FGFR1OP2: variants seen among roughly 807,000 people sequenced by gnomAD.
FGFR1OP2 encodes the protein FGFR1 oncogene partner 2, also known as fibroblast growth factor receptor 1 oncogene partner 2.
In FGFR1OP2, 17 loss-of-function variants were observed where a neutral mutation model predicts 35.2. The ratio of observed to expected loss-of-function variants is 0.48; its 90% confidence interval spans 0.33 to 0.73. The LOEUF (loss-of-function observed/expected upper bound fraction) is 0.73. Ranked by LOEUF, FGFR1OP2 falls within the 30% of genes least tolerant of loss-of-function variation. FGFR1OP2 has a pLI of 0.02. For synonymous variants in FGFR1OP2, 105 were observed against 104.6 expected, an observed-to-expected ratio of 1.00 and a Z score of -0.03; for missense variants, 251 against 307.3, an observed-to-expected ratio of 0.82 and a Z score of 1.37.
At chr12:26,956,810 T>C (rs1260525870) in intron 3 of FGFR1OP2, 150 bp downstream of exon 3, 28 of 380,254 alleles carry the variant, frequency 7.4e-5, no homozygotes, top group Non-Finnish European at 1.2e-4. Context: ...AGCACTGCTG[T>C]TGTTAGCTAT....
intron 1 of FGFR1OP2, among the ~76,000 whole-genome samples, chr12:26,950,165 T>TATATTAGGC (rs1486342889): frequency 8.0e-5 from 12 of 150,434 alleles, no homozygotes; most frequent in Non-Finnish European, 1.5e-5. Context: ...TGATAGCAGT[T>TATATTAGGC]ATATTAGGCA....
rs567364655 is a variant in FGFR1OP2 at position 26,951,648 on chromosome 12, G to T, written c.-14-2497G>T. On this transcript the variant is annotated intron_variant, in intron 1 of 6. Coordinates refer to ENST00000229395, the MANE Select transcript of FGFR1OP2 (RefSeq NM_015633.3). ...GGTATACAATATAATAGACAGTGGG[G>T]TTTTGATGTCGTGTTGTTAATACTC... 3.9e-5 allele frequency among the ~76,000 whole-genome samples: 6 copies of T among 152,214 alleles called. No individual in the cohort carries two copies. In the South Asian group the frequency reaches 1.0e-3, roughly 26 times the overall value.
chr12:26,950,380 G>A (rs1184839), intron 1 of FGFR1OP2, among the ~76,000 whole-genome samples: 1 of 151,390 alleles, frequency 6.6e-6, no homozygotes, highest in African/African-American at 2.4e-5. Context: ...ATGCCACTAC[G>A]CCCGGCTAAT....
chr12:26,963,249 A>C, intron 5 of FGFR1OP2, 93 bp from the exon 6 acceptor site: 1 of 661,042 alleles, frequency 1.5e-6, no homozygotes, highest in Non-Finnish European at 2.6e-6. Flanking sequence ...AAGAATATTC[A>C]TGTTAAGTGG....
chr12:26,941,215 G>T (rs887218667), intron 1 of FGFR1OP2, among the ~76,000 whole-genome samples: 1 of 152,032 alleles, frequency 6.6e-6, no homozygotes, highest in Non-Finnish European at 1.5e-5. Context: ...AAAATAGGCC[G>T]AAAAGTTTAG....
At chr12:26,956,472 T>TATATATC (rs1939020703) in intron 2 of FGFR1OP2, 71 bp from the exon 3 acceptor site, 1 of 263,962 alleles carries the variant, frequency 3.8e-6, no homozygotes, top group African/African-American at 4.2e-5. Flanking sequence ...TATTTATATT[T>TATATATC]ATATATCATA....
intron 3 of FGFR1OP2, among the ~76,000 whole-genome samples, chr12:26,957,249 C>T (rs149162526): frequency 3.3e-5 from 5 of 152,222 alleles, no homozygotes; most frequent in Non-Finnish European, 7.4e-5. Flanking sequence ...CAGTTTCTTC[C>T]CATAGACATC....
intron 5 of FGFR1OP2, 108 bp from the exon 6 acceptor site, chr12:26,963,234 A>G: frequency 1.7e-6 from 1 of 582,928 alleles, no homozygotes; most frequent in Non-Finnish European, 3.0e-6. Context: ...ATTAAGTGAC[A>G]ATGTAAGAAT....
chr12:26,940,268 A>G (rs1279610787), intron 1 of FGFR1OP2, among the ~76,000 whole-genome samples: 2 of 152,214 alleles, frequency 1.3e-5, no homozygotes, highest in South Asian at 2.1e-4. Flanking sequence ...TTCAGCCACA[A>G]TTCTAAGGGA....
intron 2 of FGFR1OP2, among the ~76,000 whole-genome samples, chr12:26,954,770 T>C (rs1014809195): frequency 6.6e-6 from 1 of 152,218 alleles, no homozygotes; most frequent in African/African-American, 2.4e-5. Context: ...TTATTTTTCA[T>C]TCAGTGCTAC....
At chr12:26,945,793 AGAGGTTGCAGTGAGCC>A (rs1036696019) in intron 1 of FGFR1OP2, among the ~76,000 whole-genome samples, 3 of 151,660 alleles carry the variant, frequency 2.0e-5, no homozygotes, top group African/African-American at 7.3e-5. Context: ...CCCAGGAGGC[AGAGGTTGCAGTGAGCC>A]GAGAATGTGC....
chr12:26,953,302 A>ATTTCAAGGAGGGTAAGTGTAAG (rs1406129523), intron 1 of FGFR1OP2, among the ~76,000 whole-genome samples: 3 of 137,014 alleles, frequency 2.2e-5, no homozygotes, highest in African/African-American at 8.2e-5. Context: ...AAGATAAAAG[A>ATTTCAAGGAGGGTAAGTGTAAG]TTTCAAGGAG....
chr12:26,952,923 A>G (rs1938955956), intron 1 of FGFR1OP2, among the ~76,000 whole-genome samples: 1 of 152,146 alleles, frequency 6.6e-6, no homozygotes, highest in Non-Finnish European at 1.5e-5. Flanking sequence ...GAAACCCTGA[A>G]GAAAGGATGA....
chr12:26,954,312 G>T lies in FGFR1OP2; in HGVS notation c.135+19G>T. The T allele has an allele frequency of 6.4e-7, 1 of 1,569,220 alleles. No individual in the cohort carries two copies. The highest frequency in any genetic ancestry group is 8.6e-7 in the Non-Finnish European group (1 of 1,156,820). ...GAAACAGGTTTGATTTTTCTTTCTTGTTCATTCCATTTATCAAAAGCAGTC... is the reference window on the plus strand; with the variant it reads ...GAAACAGGTTTGATTTTTCTTTCTTTTTCATTCCATTTATCAAAAGCAGTC... On this transcript the variant is annotated intron_variant, in intron 2 of 6. Coordinates refer to ENST00000229395, the MANE Select transcript of FGFR1OP2 (RefSeq NM_015633.3).
chr12:26,963,276 A>G (rs1301173784), intron 5 of FGFR1OP2, 66 bp from the exon 6 acceptor site: 2 of 1,018,340 alleles, frequency 2.0e-6, no homozygotes, highest in Admixed American at 4.4e-5. Flanking sequence ...AGATTTTATA[A>G]AAAGGAGAGG....
At chr12:26,942,426 C>G (rs1262301686) in intron 1 of FGFR1OP2, among the ~76,000 whole-genome samples, 1 of 152,186 alleles carries the variant, frequency 6.6e-6, no homozygotes, top group African/African-American at 2.4e-5. Context: ...AGTTATTGCT[C>G]AGATTCAGAA....
intron 1 of FGFR1OP2, among the ~76,000 whole-genome samples, chr12:26,950,590 G>A (rs1256569559): frequency 6.6e-6 from 1 of 152,022 alleles, no homozygotes; most frequent in Non-Finnish European, 1.5e-5. Context: ...TCAGAGAAGT[G>A]GATTATTCTA....
intron 2 of FGFR1OP2, 80 bp downstream of exon 2, chr12:26,954,373 A>G (rs1235987512): frequency 2.8e-6 from 4 of 1,452,642 alleles, no homozygotes; most frequent in Non-Finnish European, 3.7e-6. Context: ...ATTAGTATCT[A>G]ATTTTTTTCA....
intron 1 of FGFR1OP2, among the ~76,000 whole-genome samples, chr12:26,943,078 AT>A (rs1337176376): frequency 6.6e-6 from 1 of 152,116 alleles, no homozygotes; most frequent in African/African-American, 2.4e-5. Context: ...ATTGTTTTTA[AT>A]TTTATATTTA....
Sources: gnomAD v4.1 joint callset for allele counts (sites outside exome capture counted in the v4.1 genomes callset) on GRCh38, gnomAD v4.1.1 for gene constraint, MANE v1.5 for transcripts, NCBI Gene and HGNC (gene_info 2026-07-23, HGNC 2026-07-21) for gene names.